RAB27B: variants seen among roughly 807,000 people sequenced by gnomAD.
RAB27B encodes the protein ras-related protein Rab-27B.
In RAB27B, 15 loss-of-function variants were observed where a neutral mutation model predicts 24.6. That is an observed-to-expected ratio of 0.61 (90% confidence interval 0.41 to 0.94). The LOEUF (loss-of-function observed/expected upper bound fraction) is 0.94, where lower values mean the gene tolerates loss of function less well. RAB27B is among the 40% of genes least tolerant of loss of function. RAB27B has a pLI of 0.00. For missense variants in RAB27B, 261 were observed against 266.8 expected, an observed-to-expected ratio of 0.98 and a Z score of 0.15; for synonymous variants, 105 against 92.5, an observed-to-expected ratio of 1.14 and a Z score of -0.78.
At chr18:54,767,597 T>C (rs752710946) in intron 2 of RAB27B, among the ~76,000 whole-genome samples, 44 of 152,208 alleles carry the variant, frequency 2.9e-4, no homozygotes, top group Non-Finnish European at 5.9e-4. Context: ...TTTTAGATGA[T>C]GATCGTGAAT....
At chr18:54,763,395 T>C (rs1000270426) in intron 2 of RAB27B, among the ~76,000 whole-genome samples, 2 of 152,144 alleles carry the variant, frequency 1.3e-5, no homozygotes, top group Non-Finnish European at 2.9e-5. Context: ...TAAATTGCTA[T>C]AGAGCCCAGG....
At chr18:54,812,567 A>ACT (rs1290235445) in intron 2 of RAB27B, among the ~76,000 whole-genome samples, 5 of 150,014 alleles carry the variant, frequency 3.3e-5, no homozygotes, top group African/African-American at 1.2e-4. Flanking sequence ...ACACACACAC[A>ACT]CACACACACA....
chr18:54,762,191 T>A (rs971635673), intron 2 of RAB27B, among the ~76,000 whole-genome samples: 7 of 152,172 alleles, frequency 4.6e-5, no homozygotes, highest in African/African-American at 1.4e-4. Context: ...TCTGTAGTTT[T>A]GTTTTGTTTT....
intron 2 of RAB27B, among the ~76,000 whole-genome samples, chr18:54,753,691 A>G (rs1184250579): frequency 6.6e-6 from 1 of 152,242 alleles, no homozygotes; most frequent in African/African-American, 2.4e-5. Flanking sequence ...AAGCTTTCAC[A>G]GGTGCATTTA....
At chr18:54,877,156 C>T (rs1912736163) in intron 1 of RAB27B, among the ~76,000 whole-genome samples, 2 of 152,134 alleles carry the variant, frequency 1.3e-5, no homozygotes, top group Admixed American at 6.6e-5. Context: ...CTTTGCTGAG[C>T]TCTCATTCTC....
At chr18:54,827,549 C>T (rs1910515258), upstream of RAB27B, among the ~76,000 whole-genome samples, 1 of 152,134 alleles carries the variant, frequency 6.6e-6, no homozygotes, top group Non-Finnish European at 1.5e-5. Flanking sequence ...CTCCCTTCTA[C>T]AAGAAATTCT....
At chr18:54,757,077 A>G (rs73959289) in intron 2 of RAB27B, among the ~76,000 whole-genome samples, 10,120 of 152,242 alleles carry the variant, frequency 0.066, 437 homozygotes, top group African/African-American at 0.1. Flanking sequence ...TTGCTGGTCA[A>G]TGAGAGATGG....
chr18:54,765,607 A>G (rs1194829384), intron 2 of RAB27B, among the ~76,000 whole-genome samples: 1 of 152,124 alleles, frequency 6.6e-6, no homozygotes, highest in Non-Finnish European at 1.5e-5. Flanking sequence ...ACACTGAATT[A>G]TTTACTGCCT....
chr18:54,858,486 G>A (rs1024968263), intron 1 of RAB27B, among the ~76,000 whole-genome samples: 1 of 150,270 alleles, frequency 6.7e-6, no homozygotes, highest in African/African-American at 2.5e-5. Flanking sequence ...CCGTGTTCAC[G>A]CCATTCTCCT....
chr18:54,842,204 C>A (rs953264969), intron 1 of RAB27B, among the ~76,000 whole-genome samples: 1 of 152,142 alleles, frequency 6.6e-6, no homozygotes, highest in Non-Finnish European at 1.5e-5. Context: ...ATTTAGAAAA[C>A]GAATGTGGAA....
intron 2 of RAB27B, chr18:54,745,072 C>T (rs532182749): frequency 2.3e-5 from 4 of 172,706 alleles, no homozygotes; most frequent in South Asian, 1.2e-4. Context: ...GGAACCTTCC[C>T]GCACCAGATC....
chr18:54,842,624 T>C (rs1911161281), intron 1 of RAB27B, among the ~76,000 whole-genome samples: 1 of 152,216 alleles, frequency 6.6e-6, no homozygotes, highest in Non-Finnish European at 1.5e-5. Context: ...AATCAAAACA[T>C]TGACTAAAAT....
chr18:54,828,353 A>C (rs1346786308), upstream of RAB27B: 3 of 152,200 alleles, frequency 2.0e-5, no homozygotes, highest in Non-Finnish European at 4.4e-5. Flanking sequence ...GTCACCAGCA[A>C]GACTTGCCTG....
intron 1 of RAB27B, among the ~76,000 whole-genome samples, chr18:54,874,062 T>C (rs1256649672): frequency 6.6e-6 from 1 of 152,198 alleles, no homozygotes; most frequent in Non-Finnish European, 1.5e-5. Context: ...GGCACCAGTA[T>C]TGCCCCAGGC....
At chr18:54,741,267 A>G (rs1236285897) in intron 2 of RAB27B, among the ~76,000 whole-genome samples, 3 of 152,310 alleles carry the variant, frequency 2.0e-5, no homozygotes, top group Non-Finnish European at 4.4e-5. Flanking sequence ...TGTCACCCAC[A>G]GCCCTGTTCC....
intron 2 of RAB27B, among the ~76,000 whole-genome samples, chr18:54,798,437 G>A (rs2018485): frequency 0.84 from 128,592 of 152,250 alleles, 55,632 homozygotes; most frequent in Non-Finnish European, 0.94. Context: ...TAGTGCTGAT[G>A]GAGCTAGATG....
chr18:54,812,397 C>T (rs999836961), intron 2 of RAB27B, among the ~76,000 whole-genome samples: 1 of 151,870 alleles, frequency 6.6e-6, no homozygotes, highest in Non-Finnish European at 1.5e-5. Flanking sequence ...AGGAGTTTTA[C>T]GAGTAAAGAA....
At chr18:54,863,633 C>G (rs1373730758) in intron 1 of RAB27B, among the ~76,000 whole-genome samples, 2 of 152,146 alleles carry the variant, frequency 1.3e-5, no homozygotes, top group African/African-American at 4.8e-5. Context: ...GTTCACCCTT[C>G]CCCACAGAAA....
chr18:54,884,073 C>T (rs1388428626), intron 3 of RAB27B, among the ~76,000 whole-genome samples: 3 of 151,658 alleles, frequency 2.0e-5, no homozygotes, highest in Non-Finnish European at 4.4e-5. Context: ...GTAAGCAAAT[C>T]CATGATTGAA....
Sources: gnomAD v4.1 joint callset for allele counts (sites outside exome capture counted in the v4.1 genomes callset) on GRCh38, gnomAD v4.1.1 for gene constraint, MANE v1.5 for transcripts, NCBI Gene and HGNC (gene_info 2026-07-23, HGNC 2026-07-21) for gene names.